THOP1: variants seen among roughly 807,000 people sequenced by gnomAD.
THOP1 encodes the protein thimet oligopeptidase 1.
In THOP1, 49 loss-of-function variants were observed where a neutral mutation model predicts 71.8. The ratio of observed to expected loss-of-function variants is 0.68; its 90% CI spans 0.54 to 0.87. The LOEUF is 0.87. Ranked by LOEUF, THOP1 falls within the 40% of genes least tolerant of loss-of-function variation. The probability of loss-of-function intolerance (pLI) is 0.00; values close to 1 mark genes in which losing one functional copy is unlikely to be tolerated. For missense variants in THOP1, 843 were observed against 975.6 expected (o/e 0.86, Z 1.81); for synonymous variants, 426 against 421.5 (o/e 1.01, Z -0.13).
At position 2,799,772 on chromosome 19, in the gene THOP1, C is replaced by T; in HGVS notation, c.570C>T (p.Pro190=). 6.2e-7 allele frequency: 1 copy of T among 1,613,892 alleles called. No homozygotes were observed. Among genetic ancestry groups the T allele is most frequent in the South Asian group, 1.1e-5 (1 of 91,076 alleles). ...TGAACGAGGACACGACCTTCCTGCC[C>T]TTCACGCTCCAGGAGCTAGGTAGGG... ...KNLNEDTTFL[P]FTLQELGGLP... is the part of the protein sequence containing the mutation. Residue 190 remains proline (P), a synonymous_variant, in exon 5 of 13, where the codon CCC becomes CCT. Transcript: ENST00000307741.
intron 11 of THOP1, 46 bp downstream of exon 11, chr19:2,810,814 C>A (rs1472197097): frequency 6.3e-7 from 1 of 1,576,076 alleles, no homozygotes; most frequent in South Asian, 1.1e-5. Context: ...GGAGCCTCAG[C>A]TGCTTCCCTG....
At position 2,806,838 on chromosome 19, in the gene THOP1, G is replaced by A. The variant is rs1916303528; in HGVS notation, c.751-79G>A. On this transcript the variant is annotated intron_variant, in intron 6 of 12. Coordinates refer to ENST00000307741, the MANE Select transcript of THOP1 (RefSeq NM_003249.5). The stretch of plus-strand genomic sequence containing the variant: ...AGACGGAGCTGGATATGAGCCTTTG[G>A]CCCTGGGACAGGGCGTGCTGGCCCT... The A allele has an allele frequency of 3.7e-6, 6 of 1,601,714 alleles. No homozygotes were observed. In the Admixed American group the frequency reaches 1.1e-4, roughly 29 times the overall value.
intron 6 of THOP1, 126 bp from the exon 7 acceptor site, chr19:2,806,789 CGA>C: frequency 1.3e-6 from 2 of 1,511,252 alleles, no homozygotes; most frequent in South Asian, 1.2e-5. Context: ...TAACACAGGC[CGA>C]GAGGGGCAGG....
chr19:2,812,990 G>C (rs771646314), intron 12 of THOP1, 125 bp from the exon 13 acceptor site: 1,033 of 1,201,896 alleles, frequency 8.6e-4, no homozygotes, highest in Non-Finnish European at 1.1e-3. Flanking sequence ...CGGCCCCCGG[G>C]CCTCCCTGGG....
chr19:2,813,035 C>T (rs1343734646), intron 12 of THOP1, 80 bp from the exon 13 acceptor site: 28 of 1,466,478 alleles, frequency 1.9e-5, no homozygotes, highest in Middle Eastern at 1.8e-4. Context: ...CCCCCCTGGG[C>T]GAGGGTGTGC....
At position 2,799,718 on chromosome 19, in the gene THOP1, C is replaced by T. The variant is rs751342662; in HGVS notation, c.516C>T (p.Ser172=). Reference sequence around the variant, plus strand: ...TCAAACGCATCAAGAAGAAGCTGAGCCTTCTGTGCATCGACTTCAACAAGA... The same window carrying T: ...TCAAACGCATCAAGAAGAAGCTGAGTCTTCTGTGCATCGACTTCAACAAGA... ...ENIKRIKKKL[S]LLCIDFNKNL... The change falls in exon 5 of 13, where the codon AGC becomes AGT. Residue 172 remains serine, a synonymous_variant. Coordinates refer to ENST00000307741, the MANE Select transcript of THOP1 (RefSeq NM_003249.5). 2 of 1,613,904 alleles carry T rather than the reference C, an allele frequency of 1.2e-6. No homozygotes were observed. Among genetic ancestry groups the T allele is most frequent in the South Asian group, 1.1e-5 (1 of 91,092 alleles).
chr19:2,805,007 T>C lies in THOP1; in HGVS notation c.590-9T>C. ...TCCTGTCAAAGCCACCCTGGTTCTG[T>C]CCCCATAGGAGGGCTCCCCGAGGAC... On this transcript the variant is annotated splice_polypyrimidine_tract_variant and intron_variant, in intron 5 of 12. Coordinates refer to ENST00000307741, the MANE Select transcript of THOP1 (RefSeq NM_003249.5). This position sits in a 1 kb window ranked among gnomAD's most constrained non-coding sequence, Gnocchi z 6.6. The C allele has an allele frequency of 6.2e-7, 1 of 1,609,334 alleles. No individual in the cohort carries two copies. The highest frequency in any genetic ancestry group is 8.5e-7 in the Non-Finnish European group (1 of 1,178,000).
intron 2 of THOP1, among the ~76,000 whole-genome samples, chr19:2,791,111 C>T (rs1024521421): frequency 3.9e-5 from 6 of 152,216 alleles, no homozygotes; most frequent in African/African-American, 9.7e-5. Context: ...CTGCGCCCTC[C>T]GGCGGGGGTG....
In THOP1 at chr19:2,801,211, G is replaced by A. The variant is rs1916136997; in HGVS notation, c.589+1420G>A. Among the ~76,000 whole-genome samples, 1 of 152,228 alleles carries A rather than the reference G, an allele frequency of 6.6e-6. No homozygotes were observed. Among genetic ancestry groups the A allele is most frequent in the Non-Finnish European group, 1.5e-5 (1 of 68,044 alleles). On this transcript the variant is annotated intron_variant, in intron 5 of 12. Transcript: ENST00000307741. This position sits in a 1 kb window ranked among gnomAD's most constrained non-coding sequence, Gnocchi z 5.1. ...GGTCCTGGGTGTGAATCCTGGGGAA[G>A]TCTGTATGAAGCGCGGTGGAAGTTC...
chr19:2,812,152 T>TGG, intron 12 of THOP1: 1 of 1,463,864 alleles, frequency 6.8e-7, no homozygotes, highest in Non-Finnish European at 9.0e-7. Flanking sequence ...GACCCTTCTC[T>TGG]GGAGAAGGCT....
In THOP1 at chr19:2,807,546, C is replaced by T. The variant is rs760400498; in HGVS notation, c.991C>T (p.Arg331Cys). 25 of 1,612,244 alleles carry T rather than the reference C, an allele frequency of 1.6e-5. No individual in the cohort carries two copies. Among genetic ancestry groups the T allele is most frequent in the Middle Eastern group, 1.7e-4 (1 of 6,020 alleles). Residue 331 changes from arginine (R) to cysteine (C), a missense_variant, in exon 8 of 13, where the codon CGC becomes TGC. Arg to Cys is a radical substitution (Grantham distance 180). Transcript: ENST00000307741. ...GCGCCGGGGCCTGCCCTTCGACGGCCGCATCCGTGCCTGGGACATGCGCTA... is the reference window on the plus strand; with the variant it reads ...GCGCCGGGGCCTGCCCTTCGACGGCTGCATCCGTGCCTGGGACATGCGCTA... ...CERRGLPFDG[R>C]IRAWDMRYYM...
At chr19:2,809,602 T>C (rs1273490339) in intron 9 of THOP1, 1 of 152,248 alleles carries the variant, frequency 6.6e-6, no homozygotes, top group Non-Finnish European at 1.5e-5. Context: ...CCACCTTTCC[T>C]GGCTTCCCTG....
chr19:2,785,787 G>A, intron 1 of THOP1, 109 bp downstream of exon 1: 3 of 1,131,426 alleles, frequency 2.7e-6, no homozygotes, highest in Non-Finnish European at 3.4e-6. Flanking sequence ...AGCCACCCTC[G>A]GCCGGGCTGG....
intron 10 of THOP1, 41 bp downstream of exon 10, chr19:2,810,531 G>A (rs976221656): frequency 2.0e-6 from 3 of 1,531,786 alleles, no homozygotes; most frequent in Non-Finnish European, 2.6e-6. Context: ...AACCTCGGGG[G>A]GCGGCACACA....
chr19:2,786,070 C>T (rs1459661680), intron 1 of THOP1, among the ~76,000 whole-genome samples: 2 of 151,396 alleles, frequency 1.3e-5, no homozygotes, highest in African/African-American at 4.9e-5. Flanking sequence ...ACGAACGGGG[C>T]AGTCCCAGGG....
intron 5 of THOP1, among the ~76,000 whole-genome samples, chr19:2,802,709 C>T (rs1241821413): frequency 6.6e-6 from 1 of 152,236 alleles, no homozygotes; most frequent in African/African-American, 2.4e-5. Context: ...CGCACATTGT[C>T]ATACACTAGT....
intron 12 of THOP1, chr19:2,812,340 C>T (rs1916498902): frequency 6.5e-7 from 1 of 1,533,416 alleles, no homozygotes; most frequent in Non-Finnish European, 8.7e-7. Flanking sequence ...CCCTGCCCTG[C>T]CTGGGTGCAA....
At chr19:2,789,353 C>T (rs956406526) in intron 1 of THOP1, among the ~76,000 whole-genome samples, 3 of 152,212 alleles carry the variant, frequency 2.0e-5, no homozygotes, top group Admixed American at 6.5e-5. Flanking sequence ...TTCACATAGT[C>T]GCCCTTCCCG....
intron 4 of THOP1, among the ~76,000 whole-genome samples, 159 bp from the exon 5 acceptor site, chr19:2,799,530 C>T (rs780199190): frequency 1.6e-4 from 25 of 152,194 alleles, no homozygotes; most frequent in Non-Finnish European, 3.1e-4. Flanking sequence ...GTCTGTCCTC[C>T]GCCTCCCGTC....
Sources: allele counts gnomAD v4.1 joint callset (sites outside exome capture counted in the v4.1 genomes callset), GRCh38; gene constraint gnomAD v4.1.1; non-coding constraint Gnocchi (gnomAD v3.1); transcripts MANE v1.5; gene names NCBI Gene and HGNC (gene_info 2026-07-23, HGNC 2026-07-21).